Variants in DPP10 observed in about 807,000 individuals in gnomAD.
DPP10 encodes inactive dipeptidyl peptidase 10.
DPP10 carries 33 observed loss-of-function variants against 120.9 expected under a neutral mutation model. The observed-to-expected ratio is 0.27, with a 90% CI of 0.21 to 0.37. The LOEUF is 0.37. DPP10 is among the 10% of genes least tolerant of loss of function. DPP10 has a pLI of 1.00. For synonymous variants in DPP10, 337 were observed against 326.1 expected, an observed-to-expected ratio of 1.03 and a Z score of -0.36; for missense variants, 816 against 942.8, an observed-to-expected ratio of 0.87 and a Z score of 1.76.
intron 5 of DPP10, among the ~76,000 whole-genome samples, chr2:115,633,405 G>T (rs1575398175): frequency 1.3e-5 from 2 of 152,192 alleles, no homozygotes; most frequent in Non-Finnish European, 2.9e-5. Context: ...CACAGGGTGG[G>T]GAACATCACA....
chr2:114,939,136 CATT>C (rs1466783121), intron 1 of DPP10, among the ~76,000 whole-genome samples: 2 of 151,674 alleles, frequency 1.3e-5, no homozygotes, highest in African/African-American at 2.4e-5. Context: ...GAAAAGAAAA[CATT>C]ATTAAGACAG....
At chr2:114,473,536 C>A (rs1017565238) in intron 1 of DPP10, among the ~76,000 whole-genome samples, 146 of 152,142 alleles carry the variant, frequency 9.6e-4, no homozygotes, top group African/African-American at 3.3e-3. Flanking sequence ...AGGAACATAA[C>A]CTGAAGAAAT....
chr2:115,749,227 T>G (rs1156536348), intron 10 of DPP10, among the ~76,000 whole-genome samples: 1 of 152,174 alleles, frequency 6.6e-6, no homozygotes, highest in Non-Finnish European at 1.5e-5. Flanking sequence ...CCAGGGAAAT[T>G]TTATCTTATG....
chr2:115,275,700 T>G (rs1023628303), intron 1 of DPP10, among the ~76,000 whole-genome samples: 22 of 80,806 alleles, frequency 2.7e-4, no homozygotes, highest in Admixed American at 4.7e-4. Flanking sequence ...TCTTTTCTTT[T>G]CTTTTTTTTT....
At chr2:115,076,680 A>G (rs1046010889) in intron 1 of DPP10, among the ~76,000 whole-genome samples, 1 of 152,182 alleles carries the variant, frequency 6.6e-6, no homozygotes, top group Non-Finnish European at 1.5e-5. Context: ...AAGGTTACTA[A>G]TTCATTCCAA....
chr2:114,999,916 T>C (rs1184001456), intron 1 of DPP10, among the ~76,000 whole-genome samples: 2 of 152,176 alleles, frequency 1.3e-5, no homozygotes, highest in African/African-American at 4.8e-5. Flanking sequence ...TTTAGAACTA[T>C]ATATTATACT....
chr2:114,754,333 G>T (rs563023574), intron 1 of DPP10, among the ~76,000 whole-genome samples: 1 of 152,236 alleles, frequency 6.6e-6, no homozygotes, highest in African/African-American at 2.4e-5. Flanking sequence ...AGACTTAAAA[G>T]GTCCCCACGC....
intron 1 of DPP10, among the ~76,000 whole-genome samples, chr2:114,498,171 G>A (rs1436026210): frequency 6.6e-6 from 1 of 152,048 alleles, no homozygotes; most frequent in African/African-American, 2.4e-5. Context: ...CATTTTTTAT[G>A]GTAGGACATT....
intron 1 of DPP10, among the ~76,000 whole-genome samples, chr2:115,074,607 T>C (rs1171241028): frequency 1.3e-5 from 2 of 152,130 alleles, no homozygotes; most frequent in African/African-American, 4.8e-5. Flanking sequence ...TACAGAAAAC[T>C]AGGACATGTA....
At chr2:115,701,346 T>C (rs2091880213) in intron 7 of DPP10, among the ~76,000 whole-genome samples, 1 of 152,042 alleles carries the variant, frequency 6.6e-6, no homozygotes, top group Non-Finnish European at 1.5e-5. Context: ...GAAAGGACTA[T>C]CTTTTTTAAA....
At chr2:115,628,589 G>C (rs1382887645) in intron 5 of DPP10, among the ~76,000 whole-genome samples, 1 of 151,786 alleles carries the variant, frequency 6.6e-6, no homozygotes, top group East Asian at 1.9e-4. Flanking sequence ...TGAAATTTTT[G>C]CCTATGCCTA....
At chr2:115,058,699 C>A (rs8179805) in intron 1 of DPP10, among the ~76,000 whole-genome samples, 147,395 of 152,278 alleles carry the variant, frequency 0.97, 71,538 homozygotes, top group Middle Eastern at 1. Context: ...CCGTGCCCGG[C>A]CTCTTTGTCT....
At chr2:115,167,974 G>C (rs2053029953) in intron 1 of DPP10, among the ~76,000 whole-genome samples, 1 of 152,094 alleles carries the variant, frequency 6.6e-6, no homozygotes, top group Non-Finnish European at 1.5e-5. Flanking sequence ...AAGGTAATCA[G>C]CATGAGAAAG....
At chr2:115,764,424 T>C (rs1305100903) in intron 12 of DPP10, among the ~76,000 whole-genome samples, 1 of 151,724 alleles carries the variant, frequency 6.6e-6, no homozygotes, top group East Asian at 1.9e-4. Context: ...CAAAATAAAA[T>C]AGAAAAAAAA....
At chr2:115,043,969 G>A (rs555377285) in intron 1 of DPP10, among the ~76,000 whole-genome samples, 3 of 152,264 alleles carry the variant, frequency 2.0e-5, no homozygotes, top group South Asian at 4.1e-4. Flanking sequence ...ATACAGGCAT[G>A]CAATGTGTAA....
intron 1 of DPP10, among the ~76,000 whole-genome samples, chr2:114,985,649 T>C (rs1700349344): frequency 6.6e-6 from 1 of 152,202 alleles, no homozygotes; most frequent in African/African-American, 2.4e-5. Flanking sequence ...AATGAACAAG[T>C]TCTTTGCACT....
chr2:115,796,646 A>G (rs1684564185), intron 19 of DPP10, among the ~76,000 whole-genome samples: 2 of 152,174 alleles, frequency 1.3e-5, no homozygotes, highest in South Asian at 4.1e-4. Context: ...CTGAATATTG[A>G]TTGATTTTCA....
intron 1 of DPP10, among the ~76,000 whole-genome samples, chr2:115,273,862 C>A (rs908993023): frequency 6.6e-6 from 1 of 152,124 alleles, no homozygotes; most frequent in Admixed American, 6.5e-5. Context: ...TTGGGTAGAA[C>A]GCTAATAATA....
chr2:114,668,015 T>G lies in DPP10; in HGVS notation c.60+225177T>G, dbSNP rs1361766741. 2.0e-5 allele frequency among the ~76,000 whole-genome samples: 3 copies of G among 152,156 alleles called. No individual in the cohort carries two copies. In the East Asian group the frequency reaches 5.8e-4, roughly 29 times the overall value. ...GCTTAAGAGAAAGAAAACATTTTTT[T>G]TTTTGCTAAGAGGTGGCCCAGTGGA... On this transcript the variant is annotated intron_variant, in intron 1 of 25. Coordinates refer to ENST00000410059, the MANE Select transcript of DPP10 (RefSeq NM_020868.6).
Sources: gnomAD v4.1 joint callset for allele counts (sites outside exome capture counted in the v4.1 genomes callset) on GRCh38, gnomAD v4.1.1 for gene constraint, MANE v1.5 for transcripts, NCBI Gene and HGNC (gene_info 2026-07-23, HGNC 2026-07-21) for gene names.